The following SCML2 variants were observed in gnomAD, a reference collection of about 807,000 sequenced individuals.
The protein encoded by SCML2 is sex comb on midleg-like protein 2.
Under a neutral mutation model 48.4 loss-of-function variants are expected in SCML2, and 6 were observed. The observed-to-expected ratio is 0.12, with a 90% confidence interval of 0.07 to 0.24. The LOEUF (loss-of-function observed/expected upper bound fraction) is 0.24, where lower values mean the gene tolerates loss of function less well. SCML2 is among the 10% of genes least tolerant of loss of function. SCML2 has a pLI of 1.00. For missense variants in SCML2, 377 were observed against 528.2 expected, an observed-to-expected ratio of 0.71 and a Z score of 2.81; for synonymous variants, 181 against 189.5, an observed-to-expected ratio of 0.95 and a Z score of 0.37.
At chrX:18,324,772 G>C in intron 4 of SCML2, 135 bp downstream of exon 4, 3 of 448,584 alleles carry the variant, frequency 6.7e-6, no homozygotes, top group Non-Finnish European at 1.2e-5. Context: ...TGAATGCAAA[G>C]AGACCATCTG....
chrX:18,343,479 C>T (rs369455387), intron 1 of SCML2, among the ~76,000 whole-genome samples: 1 of 110,795 alleles, frequency 9.0e-6, no homozygotes, highest in African/African-American at 3.3e-5. Flanking sequence ...CAATAAAATA[C>T]GGACAGGTGC....
chrX:18,247,143 C>G (rs1569135983), intron 12 of SCML2, among the ~76,000 whole-genome samples: 2 of 111,070 alleles, frequency 1.8e-5, no homozygotes, highest in Non-Finnish European at 3.8e-5. Flanking sequence ...CAGGCGCCTG[C>G]CACCATGCCT....
chrX:18,284,064 A>G (rs186802439), intron 7 of SCML2, among the ~76,000 whole-genome samples: 24 of 112,085 alleles, frequency 2.1e-4, no homozygotes, highest in African/African-American at 7.8e-4. Flanking sequence ...CTGGTACAAA[A>G]ACAGACAGAC....
intron 1 of SCML2, among the ~76,000 whole-genome samples, chrX:18,349,619 C>T (rs1222010913): frequency 9.0e-6 from 1 of 111,175 alleles, no homozygotes; most frequent in Non-Finnish European, 1.9e-5. Context: ...GGTGAAACCC[C>T]GTCCCTACTA....
rs1332204623 is a variant in SCML2 at position 18,241,335 on chromosome X, C to T, written c.2019G>A (p.Met673Ile). 1.7e-6 allele frequency: 2 copies of T among 1,194,467 alleles called. No individual in the cohort carries two copies. Among genetic ancestry groups the T allele is most frequent in the Non-Finnish European group, 2.3e-6 (2 of 885,830 alleles). The change falls in exon 15 of 15, where the codon ATG becomes ATA. Residue 673 changes from methionine to isoleucine, a missense_variant. Met to Ile is a conservative substitution (Grantham distance 10, BLOSUM62 1). Coordinates refer to ENST00000251900, the MANE Select transcript of SCML2 (RefSeq NM_006089.3). ...CCAGCTTCAGCCCCATATACTTCAT[C>T]ATCACATCACTCTTGAGTAGGAACA... ...KALFLLKSDV[M>I]MKYMGLKLGP...
At chrX:18,309,526 C>T (rs1928878691) in intron 6 of SCML2, among the ~76,000 whole-genome samples, 1 of 111,965 alleles carries the variant, frequency 8.9e-6, no homozygotes, top group Admixed American at 9.5e-5. Flanking sequence ...GTGGAATCAA[C>T]CTTGATGTCC....
rs1374970022 is a variant in SCML2 at position 18,312,072 on chromosome X, G to GT, written c.487-6858dup. Among the ~76,000 whole-genome samples, 3 of 112,078 alleles carry GT rather than the reference G, an allele frequency of 2.7e-5. No individual in the cohort carries two copies. The East Asian group carries it at 8.4e-4, about 32-fold the overall frequency. On this transcript the variant is annotated intron_variant, in intron 6 of 14. Coordinates refer to ENST00000251900, the MANE Select transcript of SCML2 (RefSeq NM_006089.3). ...CTCCCAATGTGCTGGGATTACAGGC[G>GT]TGAGGCACCATGCCCGGCTGTGATT...
chrX:18,320,105 C>T (rs1168047584), intron 6 of SCML2, among the ~76,000 whole-genome samples: 1 of 112,376 alleles, frequency 8.9e-6, no homozygotes, highest in East Asian at 2.8e-4. Context: ...TATCTGAGGG[C>T]ACTTTGATCT....
chrX:18,251,070 C>A (rs1309894665), intron 11 of SCML2, among the ~76,000 whole-genome samples: 1 of 109,866 alleles, frequency 9.1e-6, no homozygotes, highest in Admixed American at 9.7e-5. Flanking sequence ...CCTCCCATGA[C>A]CTGTGGGGAT....
At chrX:18,283,651 G>C (rs1927941796) in intron 7 of SCML2, among the ~76,000 whole-genome samples, 1 of 111,955 alleles carries the variant, frequency 8.9e-6, no homozygotes, top group Non-Finnish European at 1.9e-5. Flanking sequence ...ATAATATCCA[G>C]GCTTAGAGTC....
intron 3 of SCML2, 45 bp from the exon 4 acceptor site, chrX:18,325,022 A>C: frequency 1.0e-6 from 1 of 962,724 alleles, no homozygotes. Flanking sequence ...AGCATATACA[A>C]TGTAACTTTT....
At chrX:18,302,735 G>A (rs1366214681) in intron 7 of SCML2, among the ~76,000 whole-genome samples, 1 of 111,335 alleles carries the variant, frequency 9.0e-6, no homozygotes, top group Non-Finnish European at 1.9e-5. Context: ...CTGGCACAAA[G>A]AATATTTATC....
At chrX:18,321,002 TAAG>T (rs1929297992) in intron 5 of SCML2, among the ~76,000 whole-genome samples, 1 of 110,884 alleles carries the variant, frequency 9.0e-6, no homozygotes, top group South Asian at 3.9e-4. Context: ...TACTAAAAAA[TAAG>T]AAGGATTGAT....
At position 18,258,038 on chromosome X, in the gene SCML2, G is replaced by C; in HGVS notation, c.1273+6C>G. On this transcript the variant is annotated splice_donor_region_variant and intron_variant, in intron 10 of 14. Transcript: ENST00000251900. ...CTGAATTAGACAATGTATTAGATAA[G>C]TATACCAGTTATCACTTCTCCTCCA... 8.4e-7 allele frequency: 1 copy of C among 1,188,155 alleles called. No homozygotes were observed. Among genetic ancestry groups the C allele is most frequent in the Non-Finnish European group, 1.1e-6 (1 of 874,814 alleles).
chrX:18,279,182 G>A (rs752121456), intron 7 of SCML2, among the ~76,000 whole-genome samples: 11 of 112,872 alleles, frequency 9.7e-5, no homozygotes, highest in Non-Finnish European at 1.9e-4. Flanking sequence ...GTACAAAAGC[G>A]TGGATGGGTA....
At chrX:18,263,413 T>C (rs1276713031) in intron 8 of SCML2, among the ~76,000 whole-genome samples, 2 of 112,103 alleles carry the variant, frequency 1.8e-5, no homozygotes, top group African/African-American at 6.5e-5. Flanking sequence ...TTCAAAACAA[T>C]TCCTTTCTCT....
chrX:18,256,733 A>G (rs1926858806), intron 11 of SCML2, 115 bp downstream of exon 11: 1 of 550,987 alleles, frequency 1.8e-6, no homozygotes, highest in African/African-American at 2.4e-5. Context: ...TATGTTATAC[A>G]TTTCTAATTA....
chrX:18,336,147 A>C (rs1171348446), intron 1 of SCML2, among the ~76,000 whole-genome samples: 3 of 112,095 alleles, frequency 2.7e-5, no homozygotes, highest in South Asian at 3.7e-4. Flanking sequence ...AAATATTTTT[A>C]AAAGAATGAT....
intron 3 of SCML2, among the ~76,000 whole-genome samples, chrX:18,325,710 T>C (rs890067131): frequency 4.5e-5 from 5 of 112,169 alleles, no homozygotes; most frequent in Admixed American, 9.5e-5. Context: ...ATCATTTCAC[T>C]GTGCCAGCCA....
Sources: gnomAD v4.1 joint callset for allele counts (sites outside exome capture counted in the v4.1 genomes callset) on GRCh38, gnomAD v4.1.1 for gene constraint, MANE v1.5 for transcripts, NCBI Gene and HGNC (gene_info 2026-07-23, HGNC 2026-07-21) for gene names.